Variants in SNX30 observed in about 807,000 individuals in gnomAD.
SNX30 encodes sorting nexin family member 30.
Under a neutral mutation model 46.4 loss-of-function variants are expected in SNX30, and 24 were observed. The observed-to-expected ratio is 0.52, with a 90% CI of 0.37 to 0.73. SNX30 has a LOEUF of 0.73. Among genes scored for constraint, SNX30 ranks in the 30% least tolerant of loss-of-function variants. SNX30 has a pLI of 0.00. For synonymous variants in SNX30, 189 were observed against 211.5 expected (o/e 0.89, Z 0.92); for missense variants, 533 against 555.7 (o/e 0.96, Z 0.41).
intron 1 of SNX30, among the ~76,000 whole-genome samples, chr9:112,763,646 C>T (rs10981500): frequency 1.3e-5 from 2 of 151,684 alleles, no homozygotes; most frequent in Admixed American, 6.6e-5. Context: ...GTCAGGAGAT[C>T]GAGACCATCC....
chr9:112,775,186 A>T (rs1418003055), intron 1 of SNX30, among the ~76,000 whole-genome samples: 13 of 65,160 alleles, frequency 2.0e-4, no homozygotes, highest in Admixed American at 5.9e-4. Flanking sequence ...ACGGAGTTTT[A>T]CTCTTGTTGC....
At chr9:112,788,289 T>C (rs1839963235) in intron 1 of SNX30, among the ~76,000 whole-genome samples, 1 of 152,178 alleles carries the variant, frequency 6.6e-6, no homozygotes, top group South Asian at 2.1e-4. Context: ...AGGCCTTTGT[T>C]CTGAAAACTC....
intron 6 of SNX30, among the ~76,000 whole-genome samples, chr9:112,839,841 G>A (rs1840827423): frequency 6.6e-6 from 1 of 152,150 alleles, no homozygotes; most frequent in Admixed American, 6.5e-5. Flanking sequence ...AGTCAACATT[G>A]GGTTGTAAAA....
chr9:112,816,197 G>A (rs748761777), intron 2 of SNX30, among the ~76,000 whole-genome samples: 1 of 152,166 alleles, frequency 6.6e-6, no homozygotes, highest in Non-Finnish European at 1.5e-5. Context: ...TTAGTGACAT[G>A]TTAGGGATCT....
upstream of SNX30, among the ~76,000 whole-genome samples, chr9:112,750,096 C>G (rs140458940): frequency 5.5e-4 from 84 of 152,348 alleles, no homozygotes; most frequent in Non-Finnish European, 8.4e-4. Context: ...TTTCAAAAGT[C>G]TCTTCGGCCA....
downstream of SNX30, among the ~76,000 whole-genome samples, chr9:112,876,132 G>A (rs1358501459): frequency 2.0e-5 from 3 of 152,014 alleles, no homozygotes; most frequent in Admixed American, 6.6e-5. Context: ...ACTGAAGGAC[G>A]GTGTCAGATT....
At chr9:112,795,728 A>G (rs1362835183) in intron 1 of SNX30, among the ~76,000 whole-genome samples, 2 of 150,620 alleles carry the variant, frequency 1.3e-5, no homozygotes, top group Non-Finnish European at 2.9e-5. Context: ...ACCTGGGGAG[A>G]CAGAAAGATA....
At chr9:112,793,587 A>G (rs1348564276) in intron 1 of SNX30, among the ~76,000 whole-genome samples, 2 of 152,138 alleles carry the variant, frequency 1.3e-5, no homozygotes, top group Admixed American at 1.3e-4. Context: ...AGGGGGTTCA[A>G]GGACATTTTC....
At chr9:112,762,847 C>T (rs746403407) in intron 1 of SNX30, among the ~76,000 whole-genome samples, 5 of 152,246 alleles carry the variant, frequency 3.3e-5, no homozygotes, top group South Asian at 2.1e-4. Flanking sequence ...CTTTACCCCA[C>T]GGAGGAAGCC....
Position 112,751,040 on chromosome 9 carries a change from G to C in SNX30, c.39G>C (p.Gly13=), listed in dbSNP as rs952666215. 1 of 1,480,372 alleles carries C rather than the reference G, an allele frequency of 6.8e-7. No individual in the cohort carries two copies. The highest frequency in any genetic ancestry group is 1.5e-5 in the African/African-American group (1 of 68,668). The allele number at this position is 1,480,372 out of a possible 1,614,324, so 91.7% of individuals were successfully genotyped here. A position where few individuals can be genotyped will look rare whatever the true frequency, so the allele number is the denominator to read the frequency against. ...CCCCCAAGGCCCTGCCGTCCACGGG[G>C]CCCCACTCCCTGCGCGACATGCCGC... is the stretch of plus-strand genomic sequence containing the variant. ...GGPPKALPST[G]PHSLRDMPHP... Residue 13 remains glycine, a synonymous_variant, in exon 1 of 9, where the codon GGG becomes GGC. Coordinates refer to ENST00000374232, the MANE Select transcript of SNX30 (RefSeq NM_001012994.2).
At chr9:112,780,454 A>G (rs952133503) in intron 1 of SNX30, among the ~76,000 whole-genome samples, 22 of 152,226 alleles carry the variant, frequency 1.4e-4, no homozygotes, top group Admixed American at 2.6e-4. Flanking sequence ...GCCTAAGGAA[A>G]TCATTCTAGA....
chr9:112,839,231 G>T (rs750095229), intron 6 of SNX30, among the ~76,000 whole-genome samples: 13 of 152,152 alleles, frequency 8.5e-5, no homozygotes, highest in Non-Finnish European at 1.8e-4. Context: ...AATTGTAAAA[G>T]AAATAATACA....
Position 112,797,708 on chromosome 9 carries a change from TTTC to T in SNX30, c.157-7065_157-7063del, listed in dbSNP as rs1317507397. Among the ~76,000 whole-genome samples the T allele has an allele frequency of 2.5e-4, 15 of 60,978 alleles. No homozygotes were observed. In the South Asian group the frequency reaches 0.012, roughly 48 times the overall value. The allele number at this position is 60,978 out of a possible 152,430, so 40.0% of individuals were successfully genotyped here. ...CGCTCTCTCTTCTTTTCTTTTTCTT[TTTC>T]TTTTTTTTTTTTTTTTGAGATGGAG... On this transcript the variant is annotated intron_variant, in intron 1 of 8. Coordinates refer to ENST00000374232, the MANE Select transcript of SNX30 (RefSeq NM_001012994.2).
chr9:112,817,401 C>CTTTTTTTTTTTTTTTATTTTTTTTT (rs1840414969), intron 2 of SNX30, among the ~76,000 whole-genome samples: 1 of 46,832 alleles, frequency 2.1e-5, no homozygotes, highest in Non-Finnish European at 3.4e-5. Context: ...AAAAAACTGG[C>CTTTTTTTTTTTTTTTATTTTTTTTT]TTTTTTTTTT....
At chr9:112,852,603 C>A (rs1174917533) in intron 7 of SNX30, among the ~76,000 whole-genome samples, 1 of 152,076 alleles carries the variant, frequency 6.6e-6, no homozygotes, top group African/African-American at 2.4e-5. Flanking sequence ...CCATTATTAT[C>A]CCCATTTGAG....
downstream of SNX30, chr9:112,877,829 C>T (rs889577548): frequency 3.3e-5 from 5 of 152,112 alleles, no homozygotes; most frequent in African/African-American, 9.7e-5. Context: ...GCGATCCTGT[C>T]GTTTTAGCCT....
At chr9:112,756,932 A>G (rs1024003620) in intron 1 of SNX30, among the ~76,000 whole-genome samples, 8 of 152,368 alleles carry the variant, frequency 5.3e-5, no homozygotes, top group African/African-American at 1.9e-4. Flanking sequence ...GTAAAAGTTT[A>G]CTATAGTGGA....
At chr9:112,787,642 G>C (rs1839951643) in intron 1 of SNX30, among the ~76,000 whole-genome samples, 1 of 151,822 alleles carries the variant, frequency 6.6e-6, no homozygotes. Flanking sequence ...AAGAAGCTTA[G>C]ATGTAACATC....
chr9:112,866,497 C>G (rs773346458), intron 8 of SNX30: 16 of 470,658 alleles, frequency 3.4e-5, no homozygotes, highest in Non-Finnish European at 6.2e-5. Context: ...CATTGCAGAT[C>G]TGAAGTGATG....
Sources: allele counts gnomAD v4.1 joint callset (sites outside exome capture counted in the v4.1 genomes callset), GRCh38; gene constraint gnomAD v4.1.1; transcripts MANE v1.5; gene names NCBI Gene and HGNC (gene_info 2026-07-23, HGNC 2026-07-21).